The following TPO variants were observed in gnomAD, a reference collection of about 807,000 sequenced individuals.
TPO encodes the protein thyroid peroxidase.
In TPO, 78 loss-of-function variants were observed where a neutral mutation model predicts 96.9. That is an observed-to-expected ratio of 0.81 (90% CI 0.67 to 0.97). TPO has a LOEUF of 0.97. Among genes scored for constraint, TPO ranks in the 50% least tolerant of loss-of-function variants. The pLI is 0.00. For synonymous variants in TPO, 547 were observed against 538.0 expected, an observed-to-expected ratio of 1.02 and a Z score of -0.23; for missense variants, 1,252 against 1,274.8, an observed-to-expected ratio of 0.98 and a Z score of 0.27.
At chr2:1,537,421 C>T (rs1362334707) in intron 15 of TPO, among the ~76,000 whole-genome samples, 4 of 140,956 alleles carry the variant, frequency 2.8e-5, no homozygotes, top group Admixed American at 7.0e-5. Flanking sequence ...CTCCCCAAAC[C>T]CTCCCATTGT....
At chr2:1,492,758 C>G (rs1168422253) in intron 10 of TPO, among the ~76,000 whole-genome samples, 3 of 152,180 alleles carry the variant, frequency 2.0e-5, no homozygotes, top group Non-Finnish European at 4.4e-5. Context: ...CTGCTGGGAG[C>G]CTGTGGTGGG....
In TPO at chr2:1,490,441, C is replaced by T. The variant is rs979375065; in HGVS notation, c.1768+2450C>T. On this transcript the variant is annotated intron_variant, in intron 10 of 16. Coordinates refer to ENST00000329066, the MANE Select transcript of TPO (RefSeq NM_001206744.2). ...CGAGGGTCCCACACAGGGGGAGTCA[C>T]GACACAGCAGTGTAAGAGCCGCCAC... Among the ~76,000 whole-genome samples, 36 of 142,172 alleles carry T rather than the reference C, an allele frequency of 2.5e-4. 1 individual carries two copies. The highest frequency in any genetic ancestry group is 9.1e-4 in the Admixed American group (13 of 14,266). 93.3% of individuals were successfully genotyped at this position (142,172 alleles called of 152,430 possible). A position where few individuals can be genotyped will look rare whatever the true frequency, so the allele number is the denominator to read the frequency against.
chr2:1,496,825 A>G lies in TPO; in HGVS notation c.2386+60A>G. 1.9e-6 allele frequency: 3 copies of G among 1,611,602 alleles called. No individual in the cohort carries two copies. In the Admixed American group the frequency reaches 5.0e-5, roughly 27 times the overall value. On this transcript the variant is annotated intron_variant, in intron 13 of 16. Coordinates refer to ENST00000329066, the MANE Select transcript of TPO (RefSeq NM_001206744.2). The stretch of plus-strand genomic sequence containing the variant: ...CTGAATGTTTCCGATATAAGTTAAC[A>G]ATGCAATGTCATTGAAAATTTCTTC...
intron 14 of TPO, among the ~76,000 whole-genome samples, chr2:1,515,801 G>A (rs1344552659): frequency 6.6e-6 from 1 of 152,034 alleles, no homozygotes; most frequent in Non-Finnish European, 1.5e-5. Flanking sequence ...TCCCCCAGCC[G>A]CTGCCTCTGT....
At chr2:1,436,640 C>T (rs554579862) in intron 5 of TPO, among the ~76,000 whole-genome samples, 82 of 152,312 alleles carry the variant, frequency 5.4e-4, no homozygotes, top group Non-Finnish European at 1.0e-3. Flanking sequence ...AACTTCCTAA[C>T]CCCACAAATT....
chr2:1,423,215 G>C, intron 3 of TPO, 86 bp downstream of exon 3: 1 of 1,289,028 alleles, frequency 7.8e-7, no homozygotes, highest in Non-Finnish European at 1.1e-6. Flanking sequence ...CCTGATTTTC[G>C]CAATTGCAGA....
At chr2:1,418,125 A>G (rs1457123449) in intron 2 of TPO, among the ~76,000 whole-genome samples, 1 of 152,166 alleles carries the variant, frequency 6.6e-6, no homozygotes, top group Non-Finnish European at 1.5e-5. Flanking sequence ...TCTACTAAAA[A>G]TACAAAAAAA....
rs766603171 is a variant in TPO at position 1,433,394 on chromosome 2, C to T, written c.180-44C>T. 15 of 1,607,642 alleles carry T rather than the reference C, an allele frequency of 9.3e-6. No individual in the cohort carries two copies. The African/African-American group carries it at 1.9e-4, about 20-fold the overall frequency. ...AATTAGTAATTAAGTACCAAAGATA[C>T]CATAGACAAATAATCTATTTTATAT... On this transcript the variant is annotated intron_variant, in intron 3 of 16. Coordinates refer to ENST00000329066, the MANE Select transcript of TPO (RefSeq NM_001206744.2).
chr2:1,542,336 G>C (rs990210897), intron 16 of TPO, 85 bp from the exon 17 acceptor site: 1 of 1,559,318 alleles, frequency 6.4e-7, no homozygotes, highest in Non-Finnish European at 8.8e-7. Context: ...TCCTGTCCAG[G>C]CCCTTCTGTC....
chr2:1,419,689 T>G (rs1401700510), intron 2 of TPO, among the ~76,000 whole-genome samples: 1 of 152,192 alleles, frequency 6.6e-6, no homozygotes, highest in Non-Finnish European at 1.5e-5. Context: ...TCCTGGGAAC[T>G]CAAAGTCCTT....
intron 2 of TPO, among the ~76,000 whole-genome samples, chr2:1,420,591 T>C (rs1004510991): frequency 6.6e-6 from 1 of 152,116 alleles, no homozygotes; most frequent in Non-Finnish European, 1.5e-5. Context: ...TGGAGATTGG[T>C]CTTGGGCAGG....
chr2:1,439,177 G>T lies in TPO; in HGVS notation c.482+2793G>T, dbSNP rs529168316. 34 of 270,108 alleles carry T rather than the reference G, an allele frequency of 1.3e-4. No individual in the cohort carries two copies. In the East Asian group the frequency reaches 2.1e-3, roughly 17 times the overall value. 16.7% of individuals were successfully genotyped at this position (270,108 alleles called of 1,614,324 possible). A position where few individuals can be genotyped will look rare whatever the true frequency, so the allele number is the denominator to read the frequency against. On this transcript the variant is annotated intron_variant, in intron 5 of 16. Coordinates refer to ENST00000329066, the MANE Select transcript of TPO (RefSeq NM_001206744.2). ...TGTCTTGGGCGCCTCTGCCCCAGCT[G>T]CTGGGCGGGCTCCACTGACGCTCCT...
At chr2:1,450,584 A>G (rs1427755119) in intron 5 of TPO, among the ~76,000 whole-genome samples, 1 of 152,208 alleles carries the variant, frequency 6.6e-6, no homozygotes, top group African/African-American at 2.4e-5. Context: ...GATCTTTCCA[A>G]CAGGAGCTGA....
At position 1,519,390 on chromosome 2, in the gene TPO, C is replaced by T. The variant is rs28913032; in HGVS notation, c.2618+2408C>T. 7.8e-3 allele frequency among the ~76,000 whole-genome samples: 1,193 copies of T among 152,218 alleles called. 12 individuals carry two copies. Among genetic ancestry groups the T allele is most frequent in the African/African-American group, 0.026 (1,090 of 41,524 alleles). ...GCCACAGCTGCCCTGCTTCTCCTCGCGAGAAGATTATATTCCACATGCCAG... is the reference window on the plus strand; with the variant it reads ...GCCACAGCTGCCCTGCTTCTCCTCGTGAGAAGATTATATTCCACATGCCAG... On this transcript the variant is annotated intron_variant, in intron 15 of 16. Coordinates refer to ENST00000329066, the MANE Select transcript of TPO (RefSeq NM_001206744.2).
intron 5 of TPO, among the ~76,000 whole-genome samples, chr2:1,447,532 G>A (rs1666934395): frequency 6.6e-6 from 1 of 152,150 alleles, no homozygotes; most frequent in Admixed American, 6.5e-5. Flanking sequence ...CCTGAGGGCT[G>A]AATCATTGGC....
intron 7 of TPO, among the ~76,000 whole-genome samples, chr2:1,462,007 G>A (rs760082687): frequency 7.9e-5 from 12 of 152,192 alleles, no homozygotes; most frequent in Non-Finnish European, 1.6e-4. Flanking sequence ...TCACTCTCCA[G>A]TGTCCTCCTT....
Position 1,493,913 on chromosome 2 carries a change from A to G in TPO, c.1880A>G (p.Lys627Arg). ...SVADKILDLY[K>R]HPDNIDVWLG... ...GCCGACAAGATCCTGGACTTGTACA[A>G]GCATCCTGACAACATCGATGTCTGG... Residue 627 changes from lysine (K) to arginine (R), a missense_variant, in exon 11 of 17, where the codon AAG (lysine) becomes AGG (arginine). Physicochemically the swap from Lys to Arg is conservative, Grantham distance 26. Coordinates refer to ENST00000329066, the MANE Select transcript of TPO (RefSeq NM_001206744.2). 6.2e-7 allele frequency: 1 copy of G among 1,614,202 alleles called. No homozygotes were observed. The highest frequency in any genetic ancestry group is 8.5e-7 in the Non-Finnish European group (1 of 1,180,030).
intron 5 of TPO, among the ~76,000 whole-genome samples, chr2:1,448,809 G>A (rs1039632212): frequency 3.3e-5 from 5 of 152,196 alleles, no homozygotes; most frequent in South Asian, 4.1e-4. Context: ...TAAAGGACCT[G>A]GCCCTCGAGG....
At chr2:1,469,747 T>C (rs1362278642) in intron 7 of TPO, among the ~76,000 whole-genome samples, 3 of 152,162 alleles carry the variant, frequency 2.0e-5, no homozygotes, top group Admixed American at 6.5e-5. Context: ...GGTTCCGCAG[T>C]GGGGGTGCAT....
Sources: gnomAD v4.1 joint callset for allele counts (sites outside exome capture counted in the v4.1 genomes callset) on GRCh38, gnomAD v4.1.1 for gene constraint, MANE v1.5 for transcripts, NCBI Gene and HGNC (gene_info 2026-07-23, HGNC 2026-07-21) for gene names.